Variants in CLCN5 observed in about 807,000 individuals in gnomAD.
CLCN5 encodes Cl-/H+ antiporter 5.
Under a neutral mutation model 54.0 loss-of-function variants are expected in CLCN5, and 17 were observed. The ratio of observed to expected loss-of-function variants is 0.31; its 90% CI spans 0.22 to 0.47. The LOEUF is 0.47. Among genes scored for constraint, CLCN5 ranks in the 20% least tolerant of loss-of-function variants. The pLI is 1.00. For missense variants in CLCN5, 448 were observed against 646.7 expected, an observed-to-expected ratio of 0.69 and a Z score of 3.33; for synonymous variants, 222 against 233.0, an observed-to-expected ratio of 0.95 and a Z score of 0.43.
At chrX:50,011,676 T>A (rs73490091) in intron 3 of CLCN5, among the ~76,000 whole-genome samples, 1,807 of 112,456 alleles carry the variant, frequency 0.016, 33 homozygotes, top group African/African-American at 0.054. Context: ...ATGAGGGAAG[T>A]CTTCTTACTG....
At chrX:49,935,676 C>T (rs930657380) in intron 3 of CLCN5, among the ~76,000 whole-genome samples, 3 of 111,329 alleles carry the variant, frequency 2.7e-5, no homozygotes, top group Non-Finnish European at 5.7e-5. Flanking sequence ...GAGTTATCCA[C>T]GCAAAGAGTT....
chrX:50,032,549 C>A (rs1307938167), intron 3 of CLCN5, among the ~76,000 whole-genome samples: 1 of 107,567 alleles, frequency 9.3e-6, no homozygotes, highest in African/African-American at 3.6e-5. Flanking sequence ...TGTCCTTTGC[C>A]CACTTTTTGA....
chrX:50,092,218 A>T lies in CLCN5; in HGVS notation c.2450A>T (p.Ter817LeuextTer46), dbSNP rs782389571. Residue 817 changes from the stop codon to leucine, a stop_lost, in exon 15 of 15, where the codon TAG becomes TTG. Coordinates refer to ENST00000376091, the MANE Select transcript of CLCN5 (RefSeq NM_001127898.4). Reference protein sequence around the residue: ...NQDPDSILFN* With the variant: ...NQDPDSILFNL Reference sequence around the variant, plus strand: ...GATCCTGATTCCATTCTCTTCAACTAGAATCATAGAGTTCTGGATGTAAAG... The same window carrying T: ...GATCCTGATTCCATTCTCTTCAACTTGAATCATAGAGTTCTGGATGTAAAG... 1 of 1,149,688 alleles carries T rather than the reference A, an allele frequency of 8.7e-7. No homozygotes were observed. Among genetic ancestry groups the T allele is most frequent in the South Asian group, 1.8e-5 (1 of 55,377 alleles). The allele number at this position is 1,149,688 out of a possible 1,213,427, so 94.7% of individuals were successfully genotyped here. A position where few individuals can be genotyped will look rare whatever the true frequency, so the allele number is the denominator to read the frequency against.
intron 14 of CLCN5, 107 bp downstream of exon 14, chrX:50,090,993 CT>C: frequency 1.6e-6 from 1 of 611,024 alleles, no homozygotes; most frequent in Non-Finnish European, 2.6e-6. Flanking sequence ...ATTAGTAGCA[CT>C]TTTAGGACTT....
intron 3 of CLCN5, among the ~76,000 whole-genome samples, chrX:50,012,602 G>A (rs1930565852): frequency 8.9e-6 from 1 of 111,876 alleles, no homozygotes; most frequent in South Asian, 3.8e-4. Context: ...ATTCAGAGAG[G>A]GAATCTCATC....
chrX:50,098,181 A>G lies in CLCN5; in HGVS notation c.*5962A>G, dbSNP rs1934320342. The G allele has an allele frequency of 8.9e-6, 1 of 112,235 alleles. No individual in the cohort carries two copies. Among genetic ancestry groups the G allele is most frequent in the African/African-American group, 3.3e-5 (1 of 30,707 alleles). The allele number at this position is 112,235 out of a possible 1,213,427, so 9.2% of individuals were successfully genotyped here. A position where few individuals can be genotyped will look rare whatever the true frequency, so the allele number is the denominator to read the frequency against. ...CTTTGGGACTTTGTGATGATTAAGA[A>G]TTTATTCCATTCAGGATTTTAAAAT... On this transcript the variant is annotated 3_prime_UTR_variant, in exon 15 of 15. Coordinates refer to ENST00000376091, the MANE Select transcript of CLCN5 (RefSeq NM_001127898.4).
chrX:49,993,432 G>A (rs1929362626), intron 3 of CLCN5, among the ~76,000 whole-genome samples: 1 of 112,041 alleles, frequency 8.9e-6, no homozygotes, highest in Non-Finnish European at 1.9e-5. Context: ...GACAGGAGTA[G>A]GGAGGGGGTC....
At chrX:49,936,939 T>C (rs1052564947) in intron 3 of CLCN5, among the ~76,000 whole-genome samples, 1 of 111,140 alleles carries the variant, frequency 9.0e-6, no homozygotes, top group Admixed American at 9.6e-5. Context: ...TTTAAAAGAG[T>C]AAAGTAGCCT....
At chrX:50,080,148 A>C (rs782480197) in intron 7 of CLCN5, among the ~76,000 whole-genome samples, 2 of 111,648 alleles carry the variant, frequency 1.8e-5, no homozygotes, top group Non-Finnish European at 3.8e-5. Context: ...TAAGTAGCCA[A>C]AGGTGAATTT....
chrX:49,989,871 A>G (rs1327747787), intron 3 of CLCN5, among the ~76,000 whole-genome samples: 5 of 111,953 alleles, frequency 4.5e-5, no homozygotes, highest in African/African-American at 1.6e-4. Context: ...GGTTAGAGGA[A>G]CCTTTAAGAG....
rs1436234140 is a variant in CLCN5, at chrX:50,098,564, A to G, written c.*6345A>G. ...AAAACCTGTCTGACTCGACATTTTA[A>G]TGCCTGAGAGTTGGTGAAAGTTCAG... On this transcript the variant is annotated 3_prime_UTR_variant, in exon 15 of 15. Coordinates refer to ENST00000376091, the MANE Select transcript of CLCN5 (RefSeq NM_001127898.4). The G allele has an allele frequency of 1.8e-5, 2 of 113,050 alleles. No homozygotes were observed. The highest frequency in any genetic ancestry group is 3.7e-5 in the Non-Finnish European group (2 of 53,376). The allele number at this position is 113,050 out of a possible 1,213,427, so 9.3% of individuals were successfully genotyped here.
intron 3 of CLCN5, among the ~76,000 whole-genome samples, chrX:49,947,579 A>G (rs782773585): frequency 5.1e-4 from 57 of 111,543 alleles, no homozygotes; most frequent in Non-Finnish European, 8.8e-4. Context: ...AACCCAAACA[A>G]AAAGGAAACA....
chrX:49,965,522 T>A (rs1348371549), intron 3 of CLCN5, among the ~76,000 whole-genome samples: 1 of 112,165 alleles, frequency 8.9e-6, no homozygotes, highest in Non-Finnish European at 1.9e-5. Flanking sequence ...TTAGTAATGG[T>A]TTTTGCAGGT....
chrX:49,955,541 G>T (rs903270412), intron 3 of CLCN5, among the ~76,000 whole-genome samples: 2 of 109,801 alleles, frequency 1.8e-5, no homozygotes, highest in African/African-American at 3.3e-5. Context: ...AATGACTTTC[G>T]TGTGCTTTCC....
rs1016296849 is a variant in CLCN5 at position 50,069,532 on chromosome X, C to T, written c.164-347C>T. 3.2e-5 allele frequency: 25 copies of T among 773,824 alleles called. No homozygotes were observed. The African/African-American group carries it at 5.2e-4, about 16-fold the overall frequency. 63.8% of individuals were successfully genotyped at this position (773,824 alleles called of 1,213,427 possible). On this transcript the variant is annotated intron_variant, in intron 4 of 14. Coordinates refer to ENST00000376091, the MANE Select transcript of CLCN5 (RefSeq NM_001127898.4). ...GATATGGCTGCAAGTGCCTTTGACC[C>T]TTTTGTCTCCCTTCCATAAACTGAA... is the stretch of plus-strand genomic sequence containing the variant.
intron 4 of CLCN5, among the ~76,000 whole-genome samples, chrX:50,054,050 T>C (rs1044744790): frequency 1.2e-4 from 13 of 111,308 alleles, no homozygotes; most frequent in African/African-American, 3.9e-4. Context: ...TCCACTATTA[T>C]TATACTGGAG....
At chrX:50,056,006 T>G (rs1253328408) in intron 4 of CLCN5, among the ~76,000 whole-genome samples, 2 of 103,091 alleles carry the variant, frequency 1.9e-5, no homozygotes, top group African/African-American at 6.7e-5. Flanking sequence ...TGTGCACAGG[T>G]GCAACTGTGT....
chrX:50,003,265 T>C (rs1289187820), intron 3 of CLCN5: 1 of 373,737 alleles, frequency 2.7e-6, no homozygotes, highest in African/African-American at 2.6e-5. Flanking sequence ...TGCATAGGCA[T>C]GAGCACATGG....
intron 4 of CLCN5, among the ~76,000 whole-genome samples, chrX:50,044,999 G>A (rs1415926160): frequency 1.8e-5 from 2 of 110,769 alleles, no homozygotes; most frequent in East Asian, 2.8e-4. Context: ...GGCAGTAAAC[G>A]AGTAAAAAGA....
Sources: allele counts gnomAD v4.1 joint callset (sites outside exome capture counted in the v4.1 genomes callset), GRCh38; gene constraint gnomAD v4.1.1; transcripts MANE v1.5; gene names NCBI Gene and HGNC (gene_info 2026-07-23, HGNC 2026-07-21).